MYO18B: variants seen among roughly 807,000 people sequenced by gnomAD.
MYO18B encodes myosin XVIIIB.
MYO18B carries 204 observed loss-of-function variants against 273.0 expected under a neutral mutation model. That is an observed-to-expected ratio of 0.75 (90% CI 0.67 to 0.84). The LOEUF (loss-of-function observed/expected upper bound fraction) is 0.84, where lower values mean the gene tolerates loss of function less well. Among genes scored for constraint, MYO18B ranks in the 40% least tolerant of loss-of-function variants. MYO18B has a pLI of 0.00. For synonymous variants in MYO18B, 1,330 were observed against 1,305.7 expected, an observed-to-expected ratio of 1.02 and a Z score of -0.40; for missense variants, 3,212 against 3,287.6, an observed-to-expected ratio of 0.98 and a Z score of 0.56.
intron 1 of MYO18B, among the ~76,000 whole-genome samples, chr22:25,755,216 T>A (rs960301758): frequency 2.8e-4 from 43 of 152,240 alleles, no homozygotes; most frequent in African/African-American, 9.4e-4. Context: ...TTATTTTATT[T>A]TTTTTTTGAG....
intron 38 of MYO18B, 41 bp from the exon 39 acceptor site, chr22:25,955,138 C>A: frequency 6.6e-7 from 1 of 1,523,762 alleles, no homozygotes; most frequent in Non-Finnish European, 8.8e-7. Flanking sequence ...ATACCCCTGG[C>A]CTCCAACTCC....
At chr22:25,745,258 C>T (rs2085743888) in intron 1 of MYO18B, among the ~76,000 whole-genome samples, 1 of 152,054 alleles carries the variant, frequency 6.6e-6, no homozygotes. Flanking sequence ...TACAGGAGTG[C>T]ACCACCACGC....
At chr22:26,059,797 C>G in the MYO18B span, among the ~76,000 whole-genome samples, 3 of 152,304 alleles carry the variant, frequency 2.0e-5, no homozygotes, top group East Asian at 3.9e-4. Flanking sequence ...TCAAAATCAA[C>G]CCCCTGTTGT....
chr22:25,827,750 A>G (rs998323690), intron 14 of MYO18B, among the ~76,000 whole-genome samples: 1 of 152,188 alleles, frequency 6.6e-6, no homozygotes. Flanking sequence ...GAGAGGGAGT[A>G]CTGGGAATGG....
rs749669837 is a variant in MYO18B, at chr22:25,890,757, T to C, written c.4316T>C (p.Ile1439Thr). The change falls in exon 26 of 44, where the codon ATT (isoleucine) becomes ACT (threonine). Residue 1439 changes from isoleucine to threonine, a missense_variant and splice_region_variant. Coordinates refer to ENST00000335473, the MANE Select transcript of MYO18B (RefSeq NM_032608.7). ...RQNTDLLESK[I>T]ADLTSDLADE... ...TGATCACCCCATTCCCCATCTCAGATTGCTGACTTGACCTCTGACCTTGCC... is the reference window on the plus strand; with the variant it reads ...TGATCACCCCATTCCCCATCTCAGACTGCTGACTTGACCTCTGACCTTGCC... The C allele has an allele frequency of 3.3e-5, 53 of 1,613,732 alleles. 1 individual carries two copies. The South Asian group carries it at 5.8e-4, about 18-fold the overall frequency.
In MYO18B at chr22:26,027,362, G is replaced by T. The variant is rs775279597; in HGVS notation, c.7388G>T (p.Gly2463Val). Residue 2463 changes from glycine to valine, a missense_variant, in exon 43 of 44, where the codon GGT (glycine) becomes GTT (valine). Transcript: ENST00000335473. The surrounding 1 kb of genome is among the most constrained non-coding windows in gnomAD (Gnocchi z 4.1). ...ACCTCCTTGGCTGGATCAGCCAAAG[G>T]TGGGCAAGACGGTTCACAGCGTTCA... ...TPTSLAGSAK[G>V]GQDGSQRSSI... 1.2e-6 allele frequency: 2 copies of T among 1,613,990 alleles called. No homozygotes were observed. Among genetic ancestry groups the T allele is most frequent in the South Asian group, 2.2e-5 (2 of 91,084 alleles).
chr22:25,793,956 C>T (rs5761192), intron 11 of MYO18B, among the ~76,000 whole-genome samples: 19,792 of 151,154 alleles, frequency 0.13, 2,523 homozygotes, highest in African/African-American at 0.33. Flanking sequence ...TTTTTTGAGA[C>T]GGAGTCTTGC....
At chr22:25,950,492 T>G (rs760808709) in intron 37 of MYO18B, 42 bp downstream of exon 37, 13 of 1,367,672 alleles carry the variant, frequency 9.5e-6, no homozygotes, top group Non-Finnish European at 1.2e-5. Context: ...TAGTCAGGGT[T>G]TTCTTAGAGG....
chr22:25,894,457 T>C lies in MYO18B; in HGVS notation c.4544-699T>C, dbSNP rs533291544. On this transcript the variant is annotated intron_variant, in intron 27 of 43. Transcript: ENST00000335473. ...ATTCAGATAGTCAAAAGATAAGACA[T>C]CTTAGCCTAAAATATTCCATTCTAA... Among the ~76,000 whole-genome samples the C allele has an allele frequency of 5.3e-4, 80 of 152,330 alleles. No individual in the cohort carries two copies. The South Asian group carries it at 0.016, about 31-fold the overall frequency.
intron 21 of MYO18B, among the ~76,000 whole-genome samples, chr22:25,855,722 T>A (rs975279461): frequency 6.6e-6 from 1 of 152,224 alleles, no homozygotes; most frequent in African/African-American, 2.4e-5. Context: ...TACATGTGCA[T>A]GTGTCTTTAT....
At chr22:25,849,113 G>A (rs1247494893) in intron 20 of MYO18B, among the ~76,000 whole-genome samples, 1 of 152,230 alleles carries the variant, frequency 6.6e-6, no homozygotes, top group Non-Finnish European at 1.5e-5. Context: ...ACACTTAATC[G>A]ATTCTATTTG....
intron 8 of MYO18B, among the ~76,000 whole-genome samples, chr22:25,779,457 C>T (rs1370802912): frequency 6.6e-6 from 1 of 152,136 alleles, no homozygotes; most frequent in Non-Finnish European, 1.5e-5. Context: ...GGGGTTATTC[C>T]AGTGTTTTGC....
intron 34 of MYO18B, among the ~76,000 whole-genome samples, chr22:25,933,081 C>CT (rs920791534): frequency 6.6e-6 from 1 of 152,084 alleles, no homozygotes; most frequent in Admixed American, 6.5e-5. Flanking sequence ...CTCAGTCTGT[C>CT]TTTTTTTATG....
chr22:26,021,794 C>T (rs1935840346), intron 42 of MYO18B, among the ~76,000 whole-genome samples: 1 of 152,122 alleles, frequency 6.6e-6, no homozygotes, highest in Non-Finnish European at 1.5e-5. Context: ...GGTCATAATC[C>T]CTATCTCTCA....
chr22:25,800,359 T>C (rs2088139110), intron 12 of MYO18B, among the ~76,000 whole-genome samples: 1 of 152,230 alleles, frequency 6.6e-6, no homozygotes, highest in Non-Finnish European at 1.5e-5. Flanking sequence ...TGCTCAGCGC[T>C]TGGCTGTTTG....
At chr22:25,874,155 C>A in intron 22 of MYO18B, 131 bp from the exon 23 acceptor site, 1 of 1,081,690 alleles carries the variant, frequency 9.2e-7, no homozygotes, top group Non-Finnish European at 1.4e-6. Flanking sequence ...CCCCACCTCC[C>A]ACTTAAAGGG....
chr22:25,802,385 A>G (rs76253872), intron 12 of MYO18B, among the ~76,000 whole-genome samples: 1,789 of 152,216 alleles, frequency 0.012, 33 homozygotes, highest in African/African-American at 0.037. Context: ...AGGTTTCTCT[A>G]TGCAGGCATG....
intron 39 of MYO18B, among the ~76,000 whole-genome samples, chr22:25,966,647 TA>T (rs2092981986): frequency 6.6e-6 from 1 of 152,180 alleles, no homozygotes; most frequent in Admixed American, 6.5e-5. Flanking sequence ...TCCCTACTCC[TA>T]ATGGCCTCCC....
intron 16 of MYO18B, 107 bp downstream of exon 16, chr22:25,833,104 TAG>T: frequency 9.6e-7 from 1 of 1,044,264 alleles, no homozygotes. Context: ...CGTGTGCACC[TAG>T]AGTCACCCCG....
Sources: gnomAD v4.1 joint callset for allele counts (sites outside exome capture counted in the v4.1 genomes callset) on GRCh38, gnomAD v4.1.1 for gene constraint, Gnocchi (gnomAD v3.1) non-coding constraint, MANE v1.5 for transcripts, NCBI Gene and HGNC (gene_info 2026-07-23, HGNC 2026-07-21) for gene names.